The following ACCS variants were observed in gnomAD, a reference collection of about 807,000 sequenced individuals.
ACCS encodes 1-aminocyclopropane-1-carboxylate synthase-like protein 1.
Under a neutral mutation model 59.8 loss-of-function variants are expected in ACCS, and 42 were observed. The observed-to-expected ratio is 0.70, with a 90% CI of 0.55 to 0.91. The LOEUF is 0.91. Ranked by LOEUF, ACCS falls within the 40% of genes least tolerant of loss-of-function variation. The pLI, the probability that ACCS is intolerant of heterozygous loss-of-function variation, is 0.00. For synonymous variants in ACCS, 230 were observed against 240.3 expected (o/e 0.96, Z 0.40); for missense variants, 602 against 630.4 (o/e 0.95, Z 0.48).
chr11:44,080,782 T>C, intron 10 of ACCS: 1 of 577,184 alleles, frequency 1.7e-6, no homozygotes, highest in East Asian at 2.9e-5. Flanking sequence ...ATGGCTGTGT[T>C]CTCATTAAAC....
rs1229866235 is a variant in ACCS, at chr11:44,077,273, C to A, written c.557-6C>A. On this transcript the variant is annotated splice_region_variant and splice_polypyrimidine_tract_variant and intron_variant, in intron 6 of 14. Coordinates refer to ENST00000263776, the MANE Select transcript of ACCS (RefSeq NM_032592.4). Reference sequence around the variant, plus strand: ...GTGACAGGCCCTCGCCCACTCCTGCCCCCAGAGGCTTTCCTGATCCCCACC... The same window carrying A: ...GTGACAGGCCCTCGCCCACTCCTGCACCCAGAGGCTTTCCTGATCCCCACC... The A allele has an allele frequency of 6.2e-7, 1 of 1,613,182 alleles. No homozygotes were observed. The highest frequency in any genetic ancestry group is 8.5e-7 in the Non-Finnish European group (1 of 1,179,598).
rs1402243972 is a variant in ACCS, at chr11:44,079,511, C to T, written c.834-20C>T. The stretch of plus-strand genomic sequence containing the variant: ...GCCCTACACACTAAGTCTCTCCTCC[C>T]CACCCCTGCCTCACTCCAGGCACAG... On this transcript the variant is annotated intron_variant, in intron 9 of 14. Coordinates refer to ENST00000263776, the MANE Select transcript of ACCS (RefSeq NM_032592.4). 1 of 1,599,150 alleles carries T rather than the reference C, an allele frequency of 6.3e-7. No homozygotes were observed. Among genetic ancestry groups the T allele is most frequent in the Admixed American group, 1.7e-5 (1 of 58,500 alleles).
In ACCS at chr11:44,083,872, T is replaced by G; in HGVS notation, c.*80T>G. The G allele has an allele frequency of 6.5e-7, 1 of 1,537,568 alleles. No individual in the cohort carries two copies. Among genetic ancestry groups the G allele is most frequent in the Non-Finnish European group, 8.8e-7 (1 of 1,140,152 alleles). ...TTCTGGGGCTGCAGAAGACTGACTG[T>G]GGATGTGCCATTTGCCAGGAAGGTA... On this transcript the variant is annotated 3_prime_UTR_variant, in exon 15 of 15. Coordinates refer to ENST00000263776, the MANE Select transcript of ACCS (RefSeq NM_032592.4).
chr11:44,070,915 C>T (rs183715783), intron 2 of ACCS, among the ~76,000 whole-genome samples: 192 of 152,280 alleles, frequency 1.3e-3, no homozygotes, highest in African/African-American at 3.4e-3. Flanking sequence ...ACGGGAGATA[C>T]GGTGTGTACC....
At chr11:44,072,148 T>TTTTATGTATTTATTTATTTA (rs1953079130) in intron 3 of ACCS, 3 of 147,786 alleles carry the variant, frequency 2.0e-5, no homozygotes, top group Non-Finnish European at 4.5e-5. Flanking sequence ...AGGGAATAGA[T>TTTTATGTATTTATTTATTTA]TTTATTTATT....
chr11:44,072,744 C>T (rs1590469740), intron 3 of ACCS, among the ~76,000 whole-genome samples: 1 of 152,012 alleles, frequency 6.6e-6, no homozygotes, highest in Non-Finnish European at 1.5e-5. Context: ...TCAGATGAAC[C>T]ACATTTCAAA....
rs1565181922 is a variant in ACCS at position 44,079,607 on chromosome 11, C to A, written c.910C>A (p.Leu304Ile). The change falls in exon 10 of 15, where the codon CTA (leucine) becomes ATA (isoleucine). Residue 304 changes from leucine (L) to isoleucine (I), a missense_variant. Coordinates refer to ENST00000263776, the MANE Select transcript of ACCS (RefSeq NM_032592.4). ...GAAGTCTGTTGGGTACCGCAGTGTCCTAAGCCTGGAAAGGTGAGGCTCCCT... is the reference window on the plus strand; with the variant it reads ...GAAGTCTGTTGGGTACCGCAGTGTCATAAGCCTGGAAAGGTGAGGCTCCCT... ...FEKSVGYRSV[L>I]SLERLPDPQR... 6.2e-7 allele frequency: 1 copy of A among 1,609,942 alleles called. No homozygotes were observed. Among genetic ancestry groups the A allele is most frequent in the Admixed American group, 1.7e-5 (1 of 59,660 alleles).
At position 44,077,376 on chromosome 11, in the gene ACCS, G is replaced by A. The variant is rs777172651; in HGVS notation, c.654G>A (p.Glu218=). The change falls in exon 7 of 15, where the codon GAG becomes GAA. Residue 218 remains glutamate, a splice_region_variant and synonymous_variant. Coordinates refer to ENST00000263776, the MANE Select transcript of ACCS (RefSeq NM_032592.4). ...TGGCCTATGTCTACCTGGACAGTGA[G>A]GTAAGAGTCTTGACTTCCTAGGTGG... ...IRLAYVYLDS[E]VTGLDTRPFQ... 2 of 1,613,814 alleles carry A rather than the reference G, an allele frequency of 1.2e-6. No individual in the cohort carries two copies. The highest frequency in any genetic ancestry group is 1.7e-6 in the Non-Finnish European group (2 of 1,179,896).
intron 8 of ACCS, chr11:44,078,284 G>C (rs951436348): frequency 2.8e-5 from 9 of 322,008 alleles, no homozygotes; most frequent in Non-Finnish European, 4.5e-5. Context: ...TGCTCACTGT[G>C]GGGGGAGCTG....
chr11:44,083,392 A>C (rs746124037), intron 13 of ACCS, 32 bp from the exon 14 acceptor site: 94 of 1,613,680 alleles, frequency 5.8e-5, no homozygotes, highest in Non-Finnish European at 2.4e-5. Context: ...GAGGGGTCTC[A>C]GCTATGTCCT....
At chr11:44,074,991 T>G (rs113246569) in intron 5 of ACCS, among the ~76,000 whole-genome samples, 4,524 of 151,280 alleles carry the variant, frequency 0.03, 228 homozygotes, top group African/African-American at 0.1. Flanking sequence ...GCCCGGCTAA[T>G]TTTTGTATTT....
At chr11:44,079,222 T>C (rs1373989923) in intron 9 of ACCS, 1 of 406,546 alleles carries the variant, frequency 2.5e-6, no homozygotes, top group African/African-American at 2.0e-5. Context: ...AAGTGAGGGG[T>C]GGATCCAGAC....
rs1361995911 is a variant in ACCS at position 44,083,585 on chromosome 11, G to A, written c.1408+8G>A. ...TCCACCGGCTTTGCCTGGGTGAGCA[G>A]CCTGCCTTTCCAGCCCAGTCCTAAC... On this transcript the variant is annotated splice_region_variant and intron_variant, in intron 14 of 14. Coordinates refer to ENST00000263776, the MANE Select transcript of ACCS (RefSeq NM_032592.4). 1.2e-6 allele frequency: 2 copies of A among 1,614,206 alleles called. No individual in the cohort carries two copies. The highest frequency in any genetic ancestry group is 1.7e-6 in the Non-Finnish European group (2 of 1,180,054).
intron 9 of ACCS, chr11:44,079,240 T>C (rs1425296452): frequency 4.7e-6 from 2 of 425,488 alleles, no homozygotes; most frequent in Non-Finnish European, 8.6e-6. Flanking sequence ...GACTTGAACC[T>C]GGGTCTCTCC....
chr11:44,079,472 T>G, intron 9 of ACCS, 59 bp from the exon 10 acceptor site: 1 of 1,428,780 alleles, frequency 7.0e-7, no homozygotes, highest in Non-Finnish European at 9.7e-7. Flanking sequence ...CTCCCCACCC[T>G]GTGGGACGCA....
intron 3 of ACCS, 60 bp downstream of exon 3, chr11:44,071,375 A>G (rs1237820923): frequency 1.9e-6 from 3 of 1,584,066 alleles, no homozygotes; most frequent in African/African-American, 2.7e-5. Context: ...CTTCCCTGGA[A>G]TGCTTTCCCA....
At chr11:44,081,461 C>A in intron 12 of ACCS, 141 bp downstream of exon 12, 1 of 1,353,202 alleles carries the variant, frequency 7.4e-7, no homozygotes, top group Non-Finnish European at 9.8e-7. Flanking sequence ...CCGACTGGGT[C>A]CATACCCTAT....
rs1196768132 is a variant in ACCS at position 44,078,768 on chromosome 11, C to G, written c.817C>G (p.Leu273Val). Residue 273 changes from leucine to valine, a missense_variant, in exon 9 of 15, where the codon CTG becomes GTG. Leu to Val is a conservative substitution (Grantham distance 32). Transcript: ENST00000263776. ...VYSPEELQEY[L>V]VFAKRHRLHV... ...CTCCCCTGAAGAGCTACAGGAGTAC[C>G]TGGTATTTGCCAAGAGGTGAGGCAC... 1.9e-6 allele frequency: 3 copies of G among 1,613,880 alleles called. No homozygotes were observed. Among genetic ancestry groups the G allele is most frequent in the Non-Finnish European group, 2.5e-6 (3 of 1,179,984 alleles).
At chr11:44,077,149 A>T in intron 6 of ACCS, 130 bp from the exon 7 acceptor site, 3 of 1,002,872 alleles carry the variant, frequency 3.0e-6, no homozygotes, top group South Asian at 1.8e-5. Context: ...TTTGGGAGTT[A>T]AGAGTGCAAG....
Sources: gnomAD v4.1 joint callset for allele counts (sites outside exome capture counted in the v4.1 genomes callset) on GRCh38, gnomAD v4.1.1 for gene constraint, MANE v1.5 for transcripts, NCBI Gene and HGNC (gene_info 2026-07-23, HGNC 2026-07-21) for gene names.